The following TULP4 variants were observed in gnomAD, a reference collection of about 807,000 sequenced individuals.
TULP4 encodes the protein TUB like protein 4, also known as tubby-related protein 4.
In TULP4, 16 loss-of-function variants were observed where a neutral mutation model predicts 129.0. The observed-to-expected ratio is 0.12, with a 90% CI of 0.08 to 0.19. TULP4 has a LOEUF of 0.19. Among genes scored for constraint, TULP4 ranks in the 10% least tolerant of loss-of-function variants. The probability of loss-of-function intolerance (pLI) is 1.00; values close to 1 mark genes in which losing one functional copy is unlikely to be tolerated. For synonymous variants in TULP4, 998 were observed against 854.0 expected (o/e 1.17, Z -2.94); for missense variants, 1,842 against 2,059.1 (o/e 0.89, Z 2.04).
chr6:158,259,432 G>C (rs1778309807), intron 1 of TULP4, among the ~76,000 whole-genome samples: 1 of 152,188 alleles, frequency 6.6e-6, no homozygotes, highest in Non-Finnish European at 1.5e-5. Context: ...TATCTTCTGT[G>C]ATTTTGAGAA....
chr6:158,432,401 G>A (rs1450531479), intron 3 of TULP4, among the ~76,000 whole-genome samples: 1 of 152,186 alleles, frequency 6.6e-6, no homozygotes, highest in Non-Finnish European at 1.5e-5. Context: ...CGGTGGACAT[G>A]AAGGTAGAGC....
chr6:158,451,219 G>C (rs536105469), intron 4 of TULP4, among the ~76,000 whole-genome samples: 2 of 152,190 alleles, frequency 1.3e-5, no homozygotes, highest in East Asian at 3.8e-4. Flanking sequence ...AAGCAGGGGG[G>C]GCAGTTTAGA....
intron 1 of TULP4, among the ~76,000 whole-genome samples, chr6:158,345,161 G>T (rs1048523022): frequency 5.3e-5 from 8 of 152,218 alleles, no homozygotes; most frequent in African/African-American, 9.6e-5. Flanking sequence ...GAGGTTTAAG[G>T]AAAGAAGCCA....
chr6:158,359,828 C>A (rs551161784), intron 1 of TULP4, among the ~76,000 whole-genome samples: 19 of 152,272 alleles, frequency 1.2e-4, no homozygotes, highest in African/African-American at 4.6e-4. Context: ...CTTCTCTTCC[C>A]AGTTGAATAG....
intron 3 of TULP4, among the ~76,000 whole-genome samples, chr6:158,440,317 CA>C (rs34200003): frequency 0.013 from 1,141 of 85,972 alleles, 4 homozygotes; most frequent in African/African-American, 0.024. Context: ...GTCCCTGTCT[CA>C]AAAAAAAAAA....
intron 2 of TULP4, among the ~76,000 whole-genome samples, chr6:158,421,896 C>A (rs917785795): frequency 2.0e-4 from 30 of 152,174 alleles, no homozygotes; most frequent in African/African-American, 6.5e-4. Context: ...CTCCCCAGAC[C>A]CCTTAGATAG....
chr6:158,374,896 T>C (rs540250585), intron 1 of TULP4, among the ~76,000 whole-genome samples: 46 of 152,230 alleles, frequency 3.0e-4, no homozygotes, highest in African/African-American at 1.1e-3. Flanking sequence ...GTTATCAAGG[T>C]GTTATTTTTT....
intron 1 of TULP4, among the ~76,000 whole-genome samples, chr6:158,245,537 G>A (rs970137144): frequency 1.3e-5 from 2 of 152,016 alleles, no homozygotes; most frequent in African/African-American, 4.8e-5. Context: ...GCTGCTGTTA[G>A]ATATCACAAT....
At chr6:158,379,830 T>C (rs113146606) in intron 1 of TULP4, among the ~76,000 whole-genome samples, 153 of 152,200 alleles carry the variant, frequency 1.0e-3, no homozygotes, top group African/African-American at 2.9e-3. Context: ...AGATCCCTGT[T>C]TGACATTGAA....
intron 1 of TULP4, among the ~76,000 whole-genome samples, chr6:158,284,967 C>T (rs1041051517): frequency 3.9e-5 from 6 of 152,150 alleles, no homozygotes; most frequent in South Asian, 2.1e-4. Flanking sequence ...CCTTTGTCTT[C>T]GTCTTTAATG....
chr6:158,452,187 G>A lies in TULP4; in HGVS notation c.778G>A (p.Val260Ile), dbSNP rs773509077. ...GCAGAACATCAAGCCTCTGCTCACCGTCAGCTTCACCTCGGGAGACATCAG... is the reference window on the plus strand; with the variant it reads ...GCAGAACATCAAGCCTCTGCTCACCATCAGCTTCACCTCGGGAGACATCAG... ...PVQNIKPLLT[V>I]SFTSGDISLM... The change falls in exon 5 of 14, where the codon GTC becomes ATC. Residue 260 changes from valine to isoleucine, a missense_variant. Around this residue, in one of 5 missense-constraint regions of TULP4, gnomAD observed 456 missense variants for 534.3 expected, o/e 0.85. Transcript: ENST00000367097. 39 of 1,614,076 alleles carry A rather than the reference G, an allele frequency of 2.4e-5. No homozygotes were observed. The highest frequency in any genetic ancestry group is 6.7e-5 in the East Asian group (3 of 44,900).
intron 1 of TULP4, among the ~76,000 whole-genome samples, chr6:158,410,156 T>C (rs1778062277): frequency 6.6e-6 from 1 of 152,238 alleles, no homozygotes; most frequent in Non-Finnish European, 1.5e-5. Flanking sequence ...ACCTGGCCAC[T>C]GATTAAGAAT....
At chr6:158,342,020 G>A (rs189564257) in intron 1 of TULP4, among the ~76,000 whole-genome samples, 8 of 152,344 alleles carry the variant, frequency 5.3e-5, no homozygotes, top group Non-Finnish European at 8.8e-5. Flanking sequence ...CTGGGTTTAA[G>A]CAATTCTCCT....
At chr6:158,315,188 C>G (rs1779459983) in intron 1 of TULP4, among the ~76,000 whole-genome samples, 1 of 152,110 alleles carries the variant, frequency 6.6e-6, no homozygotes, top group South Asian at 2.1e-4. Context: ...GCTACTATAA[C>G]AAAATATAGA....
intron 2 of TULP4, among the ~76,000 whole-genome samples, chr6:158,420,425 A>G (rs1399176844): frequency 2.6e-5 from 4 of 152,230 alleles, no homozygotes; most frequent in Non-Finnish European, 5.9e-5. Flanking sequence ...ATCTCTGAAC[A>G]CAGTGCAACT....
At chr6:158,454,750 C>T (rs113778573) in intron 5 of TULP4, among the ~76,000 whole-genome samples, 21 of 152,092 alleles carry the variant, frequency 1.4e-4, no homozygotes, top group Admixed American at 3.9e-4. Flanking sequence ...GGATTACAGG[C>T]GCATGCCACC....
chr6:158,237,815 A>G, intron 1 of TULP4: 1 of 766,710 alleles, frequency 1.3e-6, no homozygotes. Flanking sequence ...ATACTATCTG[A>G]TGATGGCAAA....
At chr6:158,237,635 C>T (rs1777739798) in intron 1 of TULP4, 1 of 1,372,540 alleles carries the variant, frequency 7.3e-7, no homozygotes, top group Admixed American at 1.8e-5. Flanking sequence ...CTTTCTGGAT[C>T]TGGGGTAAGT....
At chr6:158,460,724 G>T (rs942384304) in intron 5 of TULP4, among the ~76,000 whole-genome samples, 2 of 152,126 alleles carry the variant, frequency 1.3e-5, no homozygotes, top group African/African-American at 4.8e-5. Flanking sequence ...TGTGTCCTTT[G>T]TATGAACCTT....
Sources: gnomAD v4.1 joint callset for allele counts (sites outside exome capture counted in the v4.1 genomes callset) on GRCh38, gnomAD v4.1.1 for gene constraint, gnomAD v4.1.1 regional missense constraint, MANE v1.5 for transcripts, NCBI Gene and HGNC (gene_info 2026-07-23, HGNC 2026-07-21) for gene names.